The following GALNTL6 variants were observed in gnomAD, a reference collection of about 807,000 sequenced individuals.
GALNTL6 encodes the protein polypeptide N-acetylgalactosaminyltransferase-like 6.
In GALNTL6, 46 loss-of-function variants were observed where a neutral mutation model predicts 73.7. That is an observed-to-expected ratio of 0.62 (90% confidence interval 0.49 to 0.80). The LOEUF (loss-of-function observed/expected upper bound fraction) is 0.80. GALNTL6 is among the 30% of genes least tolerant of loss of function. The pLI is 0.00. For synonymous variants in GALNTL6, 259 were observed against 263.7 expected (o/e 0.98, Z 0.17); for missense variants, 604 against 755.0 (o/e 0.80, Z 2.34).
intron 5 of GALNTL6, among the ~76,000 whole-genome samples, chr4:172,574,062 C>CA (rs533778468): frequency 2.3e-3 from 342 of 149,432 alleles, no homozygotes; most frequent in East Asian, 8.2e-3. Flanking sequence ...TTGGGAAAAA[C>CA]AAAAAAAAAG....
intron 5 of GALNTL6, among the ~76,000 whole-genome samples, chr4:172,358,899 T>C (rs1179397317): frequency 6.9e-6 from 1 of 145,312 alleles, no homozygotes; most frequent in African/African-American, 2.5e-5. Flanking sequence ...CTGGTGAGGT[T>C]CAGAGAAAAG....
chr4:172,554,519 G>T (rs946948336), intron 5 of GALNTL6, among the ~76,000 whole-genome samples: 2 of 152,150 alleles, frequency 1.3e-5, no homozygotes, highest in East Asian at 3.9e-4. Context: ...GAATTGTCAT[G>T]TGGTAACCCA....
At chr4:172,216,279 A>C (rs1322130411) in intron 2 of GALNTL6, among the ~76,000 whole-genome samples, 2 of 150,860 alleles carry the variant, frequency 1.3e-5, no homozygotes, top group African/African-American at 4.9e-5. Context: ...CAACTTCTTC[A>C]CTTCTGAAAA....
chr4:172,232,623 C>A (rs1737107660), intron 3 of GALNTL6, among the ~76,000 whole-genome samples: 1 of 152,082 alleles, frequency 6.6e-6, no homozygotes, highest in Non-Finnish European at 1.5e-5. Context: ...AAAATTGATA[C>A]ACCAATTTCA....
chr4:172,046,662 G>T (rs1742230395), intron 2 of GALNTL6, among the ~76,000 whole-genome samples: 1 of 152,016 alleles, frequency 6.6e-6, no homozygotes, highest in Admixed American at 6.6e-5. Context: ...TGGCCATTTG[G>T]ATATCTTCTT....
chr4:171,890,290 G>A (rs1453358106), intron 2 of GALNTL6, among the ~76,000 whole-genome samples: 2 of 151,992 alleles, frequency 1.3e-5, no homozygotes, highest in Non-Finnish European at 2.9e-5. Context: ...CTTCTCTTCA[G>A]ATATACTAGC....
intron 2 of GALNTL6, among the ~76,000 whole-genome samples, chr4:172,045,994 A>C (rs1188669129): frequency 5.3e-5 from 8 of 152,080 alleles, no homozygotes; most frequent in Non-Finnish European, 1.2e-4. Context: ...AATGTTCTGC[A>C]ATACCATCCA....
chr4:172,369,094 C>T (rs561203569), intron 5 of GALNTL6, among the ~76,000 whole-genome samples: 1 of 152,166 alleles, frequency 6.6e-6, no homozygotes, highest in East Asian at 1.9e-4. Flanking sequence ...TGCCCCCCCC[C>T]ACATCCTGCT....
chr4:172,142,378 A>G (rs1356459027), intron 2 of GALNTL6, among the ~76,000 whole-genome samples: 1 of 152,092 alleles, frequency 6.6e-6, no homozygotes, highest in Non-Finnish European at 1.5e-5. Flanking sequence ...TTTAATAAAC[A>G]TAAAAGTCAC....
intron 2 of GALNTL6, among the ~76,000 whole-genome samples, chr4:171,930,231 C>T (rs1332512275): frequency 6.6e-6 from 1 of 152,248 alleles, no homozygotes; most frequent in Non-Finnish European, 1.5e-5. Flanking sequence ...ATCAATGTGG[C>T]ACCTTCGCCT....
chr4:172,118,121 T>C (rs1032514970), intron 2 of GALNTL6, among the ~76,000 whole-genome samples: 5 of 151,932 alleles, frequency 3.3e-5, no homozygotes, highest in Non-Finnish European at 7.4e-5. Flanking sequence ...ATGTGGAGAG[T>C]AGACAGCGGT....
intron 3 of GALNTL6, among the ~76,000 whole-genome samples, chr4:172,264,200 G>A (rs933260337): frequency 2.6e-5 from 4 of 151,276 alleles, no homozygotes; most frequent in Admixed American, 1.3e-4. Flanking sequence ...CAACAAATAC[G>A]TAGGAAGATA....
At chr4:172,452,154 A>T (rs1174337864) in intron 5 of GALNTL6, among the ~76,000 whole-genome samples, 2 of 152,082 alleles carry the variant, frequency 1.3e-5, no homozygotes, top group Non-Finnish European at 2.9e-5. Flanking sequence ...ACTGTCCATG[A>T]GTCCACAAAC....
chr4:173,017,170 G>C (rs930536889), intron 11 of GALNTL6, among the ~76,000 whole-genome samples: 1 of 152,138 alleles, frequency 6.6e-6, no homozygotes, highest in African/African-American at 2.4e-5. Context: ...CCAGTCTTGG[G>C]TATGTCTTTA....
chr4:172,968,421 C>T (rs759846714), intron 10 of GALNTL6, among the ~76,000 whole-genome samples: 26 of 152,130 alleles, frequency 1.7e-4, no homozygotes, highest in Non-Finnish European at 2.9e-4. Flanking sequence ...GTAATGTAAA[C>T]CATGCTAACG....
chr4:172,657,523 G>A (rs1731096692), intron 5 of GALNTL6, among the ~76,000 whole-genome samples: 2 of 152,142 alleles, frequency 1.3e-5, no homozygotes, highest in African/African-American at 4.8e-5. Context: ...GGCATTGTCT[G>A]AAAACTAAAT....
chr4:172,678,005 T>A (rs992978861), intron 5 of GALNTL6, among the ~76,000 whole-genome samples: 2 of 150,500 alleles, frequency 1.3e-5, no homozygotes, highest in African/African-American at 4.8e-5. Flanking sequence ...AAAAGAGTCA[T>A]GCATGGTCAG....
At chr4:172,368,485 C>T (rs112756959) in intron 5 of GALNTL6, among the ~76,000 whole-genome samples, 6 of 152,304 alleles carry the variant, frequency 3.9e-5, no homozygotes, top group South Asian at 2.1e-4. Context: ...TTTTCAATAC[C>T]TCACATCACC....
At chr4:172,342,146 G>C (rs1430630793) in intron 4 of GALNTL6, among the ~76,000 whole-genome samples, 1 of 151,908 alleles carries the variant, frequency 6.6e-6, no homozygotes, top group African/African-American at 2.4e-5. Flanking sequence ...ACATTTTATT[G>C]AACGGTTTAT....
Sources: allele counts gnomAD v4.1 joint callset (sites outside exome capture counted in the v4.1 genomes callset), GRCh38; gene constraint gnomAD v4.1.1; transcripts MANE v1.5; gene names NCBI Gene and HGNC (gene_info 2026-07-23, HGNC 2026-07-21).